WDR26: variants seen among roughly 807,000 people sequenced by gnomAD.
WDR26 encodes the protein WD repeat-containing protein 26.
WDR26 carries 5 observed loss-of-function variants against 84.1 expected under a neutral mutation model. The observed-to-expected ratio is 0.06, with a 90% CI of 0.03 to 0.13. The LOEUF (loss-of-function observed/expected upper bound fraction) is 0.13, where lower values mean the gene tolerates loss of function less well. Among genes scored for constraint, WDR26 ranks in the 10% least tolerant of loss-of-function variants. The probability of loss-of-function intolerance (pLI) is 1.00; values close to 1 mark genes in which losing one functional copy is unlikely to be tolerated. For missense variants in WDR26, 642 were observed against 974.9 expected (o/e 0.66, Z 4.55); for synonymous variants, 415 against 389.6 (o/e 1.07, Z -0.77).
rs1673062584 is a variant in WDR26, at chr1:224,389,354, CGGA to C, written c.*478_*480del. 4.0e-6 allele frequency: 1 copy of C among 248,946 alleles called. No individual in the cohort carries two copies. The highest frequency in any genetic ancestry group is 7.5e-6 in the Non-Finnish European group (1 of 132,578). The allele number at this position is 248,946 out of a possible 1,614,324, so 15.4% of individuals were successfully genotyped here. A position where few individuals can be genotyped will look rare whatever the true frequency, so the allele number is the denominator to read the frequency against. On this transcript the variant is annotated 3_prime_UTR_variant, in exon 14 of 14. Transcript: ENST00000414423. Reference sequence around the variant, plus strand: ...TGCAAAGATCTCAAGCTAAATAAGGCGGAAAGATTTGGAGAAACAAAAGAAGGA... The same window carrying C: ...TGCAAAGATCTCAAGCTAAATAAGGCAAGATTTGGAGAAACAAAAGAAGGA...
intron 3 of WDR26, chr1:224,429,196 G>A (rs1674315211): frequency 1.3e-5 from 2 of 151,980 alleles, no homozygotes; most frequent in African/African-American, 2.4e-5. Flanking sequence ...TGGGAGGCGA[G>A]GTTGCAGTGA....
rs1038287608 is a variant in WDR26, at chr1:224,388,030, A to G, written c.*1805T>C. On this transcript the variant is annotated 3_prime_UTR_variant, in exon 14 of 14. Transcript: ENST00000414423. The stretch of plus-strand genomic sequence containing the variant: ...AAGAAATCTTTTACATACCAATTTG[A>G]TAAGAGTCTGCTGACCACGATCTGT... The G allele has an allele frequency of 2.6e-5, 4 of 152,752 alleles. No individual in the cohort carries two copies. The highest frequency in any genetic ancestry group is 4.1e-4 in the South Asian group (2 of 4,826). 9.5% of individuals were successfully genotyped at this position (152,752 alleles called of 1,614,324 possible).
At chr1:224,398,458 TTAAAA>T (rs1673320796) in intron 11 of WDR26, 52 bp downstream of exon 11, 8 of 1,449,614 alleles carry the variant, frequency 5.5e-6, no homozygotes, top group East Asian at 2.3e-5. Context: ...AAAATAACAG[TTAAAA>T]TAAAACTTGT....
In WDR26 at chr1:224,431,496, G is replaced by T; in HGVS notation, c.908C>A (p.Thr303Lys). The change falls in exon 3 of 14, where the codon ACG (threonine) becomes AAG (lysine). Residue 303 changes from threonine to lysine, a missense_variant. Physicochemically the swap from Thr to Lys is moderately conservative, Grantham distance 78. Coordinates refer to ENST00000414423, the MANE Select transcript of WDR26 (RefSeq NM_001379403.1). ...ATTTACCACAATTATTCCCAACAAC[G>T]TTTGAGAGATTTCAAGTGCGCCTCT... The T allele has an allele frequency of 6.2e-7, 1 of 1,613,820 alleles. No homozygotes were observed.
At chr1:224,430,837 A>G (rs1258584089) in intron 3 of WDR26, 4 of 152,260 alleles carry the variant, frequency 2.6e-5, no homozygotes, top group African/African-American at 9.6e-5. Flanking sequence ...TAAAAGATTC[A>G]TTAAGAATTA....
At chr1:224,407,151 A>AAAAAAAAAAAAAAATATATATAT in intron 7 of WDR26, among the ~76,000 whole-genome samples, 1 of 11,868 alleles carries the variant, frequency 8.4e-5, no homozygotes, top group East Asian at 2.1e-3. Context: ...AAAAAAAAAA[A>AAAAAAAAAAAAAAATATATATAT]ATATATATAT....
rs985690179 is a variant in WDR26 at position 224,387,342 on chromosome 1, C to G, written c.*2493G>C. On this transcript the variant is annotated 3_prime_UTR_variant, in exon 14 of 14. Transcript: ENST00000414423. Reference sequence around the variant, plus strand: ...TTTACCATTGATTTCACCTTTCGAGCACAGTCACTGCATGGCAAATGTATG... The same window carrying G: ...TTTACCATTGATTTCACCTTTCGAGGACAGTCACTGCATGGCAAATGTATG... 1.3e-5 allele frequency: 2 copies of G among 152,466 alleles called. No homozygotes were observed. The highest frequency in any genetic ancestry group is 4.8e-5 in the African/African-American group (2 of 41,404). The allele number at this position is 152,466 out of a possible 1,614,324, so 9.4% of individuals were successfully genotyped here.
In WDR26 at chr1:224,389,544, T is replaced by C. The variant is rs576275572; in HGVS notation, c.*291A>G. 37 of 520,922 alleles carry C rather than the reference T, an allele frequency of 7.1e-5. 1 individual carries two copies. The South Asian group carries it at 1.0e-3, about 14-fold the overall frequency. The allele number at this position is 520,922 out of a possible 1,614,324, so 32.3% of individuals were successfully genotyped here. ...AGACAAAAGACAGGAAGGAAAAAAA[T>C]ATATATACTGAGTTCAATGGGTAAG... is the stretch of plus-strand genomic sequence containing the variant. On this transcript the variant is annotated 3_prime_UTR_variant, in exon 14 of 14. Coordinates refer to ENST00000414423, the MANE Select transcript of WDR26 (RefSeq NM_001379403.1).
chr1:224,419,722 C>T (rs1674002847), intron 4 of WDR26, 107 bp from the exon 5 acceptor site: 2 of 793,624 alleles, frequency 2.5e-6, no homozygotes, highest in Non-Finnish European at 4.2e-6. Context: ...TAATACATGT[C>T]AAGAAATTTC....
At chr1:224,423,767 G>A (rs1335619966) in intron 4 of WDR26, among the ~76,000 whole-genome samples, 3 of 152,122 alleles carry the variant, frequency 2.0e-5, no homozygotes, top group African/African-American at 4.8e-5. Flanking sequence ...GAGAATGTCA[G>A]GTATGCCAGT....
At chr1:224,416,953 G>A (rs1463649323) in intron 6 of WDR26, among the ~76,000 whole-genome samples, 5 of 152,030 alleles carry the variant, frequency 3.3e-5, no homozygotes, top group African/African-American at 4.8e-5. Flanking sequence ...AGTTTAAAAG[G>A]GATAGGGGAA....
intron 3 of WDR26, among the ~76,000 whole-genome samples, chr1:224,425,741 G>C (rs537993873): frequency 6.6e-6 from 1 of 152,156 alleles, no homozygotes; most frequent in Non-Finnish European, 1.5e-5. Context: ...TGTAAACAGA[G>C]ACATCAGTAG....
At chr1:224,408,020 T>A (rs185181511) in intron 7 of WDR26, among the ~76,000 whole-genome samples, 1 of 152,312 alleles carries the variant, frequency 6.6e-6, no homozygotes, top group African/African-American at 2.4e-5. Flanking sequence ...GCCCTTTACA[T>A]GTAACACCTA....
rs1480880551 is a variant in WDR26 at position 224,389,431 on chromosome 1, A to G, written c.*404T>C. On this transcript the variant is annotated 3_prime_UTR_variant, in exon 14 of 14. Coordinates refer to ENST00000414423, the MANE Select transcript of WDR26 (RefSeq NM_001379403.1). ...CTCTTCAGACTAATGCACTCTTTCT[A>G]TCAAGCCTTCTAAACTGTTAAATAA... The G allele has an allele frequency of 1.6e-5, 7 of 439,132 alleles. No homozygotes were observed. Among genetic ancestry groups the G allele is most frequent in the Non-Finnish European group, 2.8e-5 (7 of 252,194 alleles). The allele number at this position is 439,132 out of a possible 1,614,324, so 27.2% of individuals were successfully genotyped here.
intron 3 of WDR26, among the ~76,000 whole-genome samples, chr1:224,428,518 A>G (rs920329343): frequency 3.3e-5 from 5 of 152,184 alleles, no homozygotes; most frequent in African/African-American, 1.2e-4. Context: ...ATATTTCTAG[A>G]CATAAAAAAA....
chr1:224,428,789 C>T (rs539836724), intron 3 of WDR26, among the ~76,000 whole-genome samples: 26 of 151,470 alleles, frequency 1.7e-4, no homozygotes, highest in Non-Finnish European at 3.4e-4. Flanking sequence ...ACCTGTAATT[C>T]CAACTACTTG....
chr1:224,433,631 G>T, intron 1 of WDR26, 53 bp downstream of exon 1: 1 of 1,227,300 alleles, frequency 8.1e-7, no homozygotes. Context: ...TACCCCCCTG[G>T]AGCCTCCGTC....
At chr1:224,420,992 A>G (rs967298564) in intron 4 of WDR26, among the ~76,000 whole-genome samples, 1 of 152,232 alleles carries the variant, frequency 6.6e-6, no homozygotes, top group Non-Finnish European at 1.5e-5. Flanking sequence ...TCATTTTTAA[A>G]ATTTTACAAA....
At chr1:224,426,575 T>C (rs1015837429) in intron 3 of WDR26, among the ~76,000 whole-genome samples, 1 of 151,592 alleles carries the variant, frequency 6.6e-6, no homozygotes, top group Non-Finnish European at 1.5e-5. Flanking sequence ...AAAAGTACAT[T>C]ACTGTACATA....
Sources: allele counts gnomAD v4.1 joint callset (sites outside exome capture counted in the v4.1 genomes callset), GRCh38; gene constraint gnomAD v4.1.1; transcripts MANE v1.5; gene names NCBI Gene and HGNC (gene_info 2026-07-23, HGNC 2026-07-21).